C2orf76: variants seen among roughly 807,000 people sequenced by gnomAD.
The protein encoded by C2orf76 is UPF0538 protein C2orf76.
C2orf76 carries 23 observed loss-of-function variants against 16.9 expected under a neutral mutation model. That is an observed-to-expected ratio of 1.36 (90% CI 0.98 to 1.93). C2orf76 has a LOEUF of 1.93. Among genes scored for constraint, C2orf76 ranks in the 30% most tolerant of loss-of-function variants. The pLI is 0.00. For synonymous variants in C2orf76, 48 were observed against 52.3 expected (o/e 0.92, Z 0.35); for missense variants, 152 against 152.6 (o/e 1.00, Z 0.02).
chr2:119,366,989 G>A, upstream of C2orf76: 4 of 1,609,372 alleles, frequency 2.5e-6, no homozygotes, highest in Non-Finnish European at 3.4e-6. Context: ...TGCAATCTGG[G>A]CGATCGCTTC....
At chr2:119,335,479 G>A (rs1168359349) in intron 2 of C2orf76, among the ~76,000 whole-genome samples, 1 of 152,228 alleles carries the variant, frequency 6.6e-6, no homozygotes, top group Non-Finnish European at 1.5e-5. Context: ...GAGGGCATAT[G>A]TCAGAGGAGC....
chr2:119,328,359 A>C (rs941191177), intron 2 of C2orf76, among the ~76,000 whole-genome samples: 30 of 152,146 alleles, frequency 2.0e-4, no homozygotes, highest in Non-Finnish European at 1.6e-4. Flanking sequence ...TCTTTGAAGC[A>C]ATTTGTCCTC....
intron 5 of C2orf76, among the ~76,000 whole-genome samples, chr2:119,307,085 T>C (rs1678814211): frequency 6.6e-6 from 1 of 152,032 alleles, no homozygotes; most frequent in African/African-American, 2.4e-5. Flanking sequence ...AATTTTTCTC[T>C]TAAACCTCTT....
the C2orf76 span, among the ~76,000 whole-genome samples, chr2:119,291,269 C>T: frequency 6.6e-6 from 1 of 151,872 alleles, no homozygotes; most frequent in Non-Finnish European, 1.5e-5. Flanking sequence ...AACTACAAAA[C>T]CTGCCTTTGC....
chr2:119,342,874 C>A (rs916792210), intron 1 of C2orf76, among the ~76,000 whole-genome samples: 23 of 152,022 alleles, frequency 1.5e-4, no homozygotes, highest in African/African-American at 5.1e-4. Context: ...AACTCTCCTG[C>A]CTCAGCCTCG....
At chr2:119,298,388 T>G (rs1678570753), downstream of C2orf76, among the ~76,000 whole-genome samples, 1 of 152,176 alleles carries the variant, frequency 6.6e-6, no homozygotes, top group African/African-American at 2.4e-5. Flanking sequence ...CTTTATTAGC[T>G]ATTGTTTCCA....
intron 1 of C2orf76, among the ~76,000 whole-genome samples, chr2:119,354,216 A>C (rs1163551745): frequency 1.3e-5 from 2 of 152,202 alleles, no homozygotes; most frequent in Non-Finnish European, 2.9e-5. Context: ...AGCATTTATA[A>C]ACTACATTAA....
At chr2:119,330,341 C>T in intron 2 of C2orf76, among the ~76,000 whole-genome samples, 1 of 141,410 alleles carries the variant, frequency 7.1e-6, no homozygotes. Flanking sequence ...CATGCCACTG[C>T]ACTCTCCATC....
At chr2:119,330,421 G>A (rs1679640508) in intron 2 of C2orf76, among the ~76,000 whole-genome samples, 1 of 151,222 alleles carries the variant, frequency 6.6e-6, no homozygotes, top group Non-Finnish European at 1.5e-5. Flanking sequence ...TGAGAAGTTG[G>A]CTGTCAATTT....
At position 119,352,707 on chromosome 2, in the gene C2orf76, T is replaced by A. The variant is rs142216468; in HGVS notation, c.-12-12736A>T. On this transcript the variant is annotated intron_variant, in intron 1 of 5. Transcript: ENST00000334816. ...GTTCAGATGCTGCCTAATTCATGCA[T>A]TGTTTCTTTACTCAAATAAATGCTG... 8.8e-4 allele frequency among the ~76,000 whole-genome samples: 134 copies of A among 152,350 alleles called. 3 individuals carry two copies. In the East Asian group the frequency reaches 0.02, roughly 23 times the overall value.
chr2:119,354,049 G>A (rs759015858), intron 1 of C2orf76, among the ~76,000 whole-genome samples: 1 of 152,038 alleles, frequency 6.6e-6, no homozygotes, highest in African/African-American at 2.4e-5. Flanking sequence ...AAATGCATGA[G>A]GCAATGGTCA....
chr2:119,340,767 C>T (rs1422452220), intron 1 of C2orf76, among the ~76,000 whole-genome samples: 1 of 113,234 alleles, frequency 8.8e-6, no homozygotes, highest in Non-Finnish European at 1.8e-5. Flanking sequence ...CACACACACA[C>T]ACACACACAC....
At chr2:119,353,142 C>T (rs1280214912) in intron 1 of C2orf76, among the ~76,000 whole-genome samples, 1 of 151,874 alleles carries the variant, frequency 6.6e-6, no homozygotes, top group Non-Finnish European at 1.5e-5. Context: ...AATTAAATAG[C>T]ATTCAAATAT....
intron 1 of C2orf76, among the ~76,000 whole-genome samples, chr2:119,356,816 T>C (rs574684310): frequency 1.3e-5 from 2 of 151,692 alleles, no homozygotes; most frequent in East Asian, 3.9e-4. Context: ...ATGGAGGATA[T>C]CATTACAGGC....
At chr2:119,329,268 T>C (rs1027269623) in intron 2 of C2orf76, among the ~76,000 whole-genome samples, 1 of 152,224 alleles carries the variant, frequency 6.6e-6, no homozygotes, top group African/African-American at 2.4e-5. Context: ...CATTATGAAG[T>C]GATAGTTTTA....
intron 2 of C2orf76, among the ~76,000 whole-genome samples, chr2:119,339,468 C>A (rs1199526725): frequency 3.3e-5 from 5 of 152,096 alleles, no homozygotes; most frequent in African/African-American, 1.2e-4. Context: ...CCACCCCACA[C>A]CCTCTGTGCT....
intron 1 of C2orf76, 96 bp from the exon 2 acceptor site, chr2:119,340,067 C>T: frequency 7.5e-7 from 1 of 1,339,900 alleles, no homozygotes; most frequent in Non-Finnish European, 1.0e-6. Flanking sequence ...TGGCACCAGC[C>T]CCGCTCTTCC....
intron 1 of C2orf76, among the ~76,000 whole-genome samples, chr2:119,362,760 C>T (rs72831284): frequency 0.095 from 14,504 of 152,142 alleles, 928 homozygotes; most frequent in African/African-American, 0.18. Flanking sequence ...TCAGAATCTT[C>T]CACTCCCAAG....
At chr2:119,317,413 C>A in intron 4 of C2orf76, 53 bp downstream of exon 4, 1 of 1,361,128 alleles carries the variant, frequency 7.3e-7, no homozygotes. Context: ...TTCACAAATT[C>A]AACCAACATT....
Sources: allele counts gnomAD v4.1 joint callset (sites outside exome capture counted in the v4.1 genomes callset), GRCh38; gene constraint gnomAD v4.1.1; transcripts MANE v1.5; gene names NCBI Gene and HGNC (gene_info 2026-07-23, HGNC 2026-07-21).